EIF2AK2: variants seen among roughly 807,000 people sequenced by gnomAD.
The protein encoded by EIF2AK2 is interferon-induced, double-stranded RNA-activated protein kinase.
A neutral mutation model predicts 70.5 loss-of-function variants in EIF2AK2; 40 were observed. That is an observed-to-expected ratio of 0.57 (90% CI 0.44 to 0.74). The LOEUF (loss-of-function observed/expected upper bound fraction) is 0.74. Ranked by LOEUF, EIF2AK2 falls within the 30% of genes least tolerant of loss-of-function variation. EIF2AK2 has a pLI of 0.00. For missense variants in EIF2AK2, 555 were observed against 644.3 expected, an observed-to-expected ratio of 0.86 and a Z score of 1.50; for synonymous variants, 198 against 220.9, an observed-to-expected ratio of 0.90 and a Z score of 0.92.
intron 4 of EIF2AK2, among the ~76,000 whole-genome samples, chr2:37,143,588 TAAC>T (rs777256379): frequency 2.6e-5 from 4 of 152,128 alleles, no homozygotes; most frequent in Admixed American, 1.3e-4. Flanking sequence ...CAATACAGCA[TAAC>T]AACTACTTAT....
At chr2:37,122,475 A>T (rs759498039) in intron 12 of EIF2AK2, 31 bp downstream of exon 12, 1 of 1,608,278 alleles carries the variant, frequency 6.2e-7, no homozygotes, top group South Asian at 1.1e-5. Flanking sequence ...CTTCCATCCT[A>T]TTATGGCTAT....
In EIF2AK2 at chr2:37,099,466, C is replaced by T. The variant is rs1673771389; in HGVS notation, c.*7807G>A. 6.6e-6 allele frequency: 1 copy of T among 152,116 alleles called. No homozygotes were observed. Among genetic ancestry groups the T allele is most frequent in the Non-Finnish European group, 1.5e-5 (1 of 68,032 alleles). 9.4% of individuals were successfully genotyped at this position (152,116 alleles called of 1,614,324 possible). Reference sequence around the variant, plus strand: ...AAAGTGCTGTGTAGGAATGACTGAGCTCTAAGACAAACTGGTAAGAACAAT... The same window carrying T: ...AAAGTGCTGTGTAGGAATGACTGAGTTCTAAGACAAACTGGTAAGAACAAT... On this transcript the variant is annotated 3_prime_UTR_variant, in exon 17 of 17. Transcript: ENST00000233057.
chr2:37,103,920 C>T lies in EIF2AK2; in HGVS notation c.*3353G>A, dbSNP rs1252166635. 6.6e-6 allele frequency: 1 copy of T among 152,196 alleles called. No homozygotes were observed. The highest frequency in any genetic ancestry group is 2.4e-5 in the African/African-American group (1 of 41,448). 9.4% of individuals were successfully genotyped at this position (152,196 alleles called of 1,614,324 possible). ...TTGGGAGGCCAAGGCAAGTGAATCA[C>T]CTGAGGTCAGGAGTTCAAAACCAGC... On this transcript the variant is annotated 3_prime_UTR_variant, in exon 17 of 17. Coordinates refer to ENST00000233057, the MANE Select transcript of EIF2AK2 (RefSeq NM_001135651.3).
chr2:37,126,510 C>T, intron 10 of EIF2AK2, 99 bp from the exon 11 acceptor site: 1 of 1,481,682 alleles, frequency 6.7e-7, no homozygotes, highest in Admixed American at 2.4e-5. Context: ...GTGAAATGGA[C>T]AATAAAACAA....
chr2:37,111,175 T>G (rs1301771457), intron 14 of EIF2AK2, among the ~76,000 whole-genome samples: 1 of 151,984 alleles, frequency 6.6e-6, no homozygotes, highest in Admixed American at 6.6e-5. Context: ...CTTTAACGGG[T>G]GTAAAGTTTC....
chr2:37,121,734 C>T (rs1674562015), intron 12 of EIF2AK2, among the ~76,000 whole-genome samples: 1 of 150,894 alleles, frequency 6.6e-6, no homozygotes, highest in African/African-American at 2.4e-5. Context: ...AAGAGGTAGC[C>T]AAGAATTTGC....
intron 13 of EIF2AK2, among the ~76,000 whole-genome samples, chr2:37,116,192 C>T (rs1430132787): frequency 6.6e-6 from 1 of 152,110 alleles, no homozygotes; most frequent in Non-Finnish European, 1.5e-5. Context: ...AGCCACCACG[C>T]CCAGCCCATA....
At chr2:37,152,052 C>T (rs373442140) in intron 1 of EIF2AK2, among the ~76,000 whole-genome samples, 2 of 152,170 alleles carry the variant, frequency 1.3e-5, no homozygotes, top group African/African-American at 4.8e-5. Flanking sequence ...CGCGACAGAG[C>T]GAAGACTCCA....
chr2:37,122,761 T>C (rs1674600541), intron 11 of EIF2AK2, 97 bp from the exon 12 acceptor site: 1 of 1,460,612 alleles, frequency 6.8e-7, no homozygotes, highest in South Asian at 1.2e-5. Flanking sequence ...TACATTCCCT[T>C]ATTAAACCAT....
intron 10 of EIF2AK2, among the ~76,000 whole-genome samples, chr2:37,132,511 C>A (rs1375640548): frequency 6.6e-6 from 1 of 152,182 alleles, no homozygotes; most frequent in African/African-American, 2.4e-5. Flanking sequence ...ATCGCTTGAA[C>A]CCCAGAGGCA....
chr2:37,111,876 AAAAT>A (rs1376230515), intron 14 of EIF2AK2, among the ~76,000 whole-genome samples: 169 of 46,098 alleles, frequency 3.7e-3, no homozygotes, highest in African/African-American at 6.7e-3. Flanking sequence ...AAAAAAAAAA[AAAAT>A]ATATATATAT....
chr2:37,108,798 G>T (rs1164927121), intron 15 of EIF2AK2, among the ~76,000 whole-genome samples: 1 of 152,206 alleles, frequency 6.6e-6, no homozygotes, highest in Non-Finnish European at 1.5e-5. Flanking sequence ...TCGAACACCT[G>T]ACTTCAAGTG....
intron 10 of EIF2AK2, among the ~76,000 whole-genome samples, chr2:37,132,716 G>A (rs911925640): frequency 6.6e-6 from 1 of 152,156 alleles, no homozygotes; most frequent in African/African-American, 2.4e-5. Flanking sequence ...AGGAACAGTT[G>A]AAAGCCATTT....
chr2:37,135,637 T>G, intron 9 of EIF2AK2, 91 bp from the exon 10 acceptor site: 1 of 1,261,688 alleles, frequency 7.9e-7, no homozygotes, highest in Non-Finnish European at 1.1e-6. Context: ...TCTTTCTTTT[T>G]TTTTCTTCAG....
At chr2:37,133,222 C>T (rs1226381099) in intron 10 of EIF2AK2, among the ~76,000 whole-genome samples, 1 of 152,136 alleles carries the variant, frequency 6.6e-6, no homozygotes, top group Non-Finnish European at 1.5e-5. Flanking sequence ...AAAATTCGGG[C>T]ACTCTCACGT....
At position 37,102,660 on chromosome 2, in the gene EIF2AK2, G is replaced by T. The variant is rs1673854621; in HGVS notation, c.*4613C>A. ...ACACACAGGATGGCTTCATGGACATGCAACCTGTGCAGTTGCACAAGACTG... is the reference window on the plus strand; with the variant it reads ...ACACACAGGATGGCTTCATGGACATTCAACCTGTGCAGTTGCACAAGACTG... On this transcript the variant is annotated 3_prime_UTR_variant, in exon 17 of 17. Coordinates refer to ENST00000233057, the MANE Select transcript of EIF2AK2 (RefSeq NM_001135651.3). 6.6e-6 allele frequency: 1 copy of T among 152,108 alleles called. No homozygotes were observed. Among genetic ancestry groups the T allele is most frequent in the Non-Finnish European group, 1.5e-5 (1 of 68,030 alleles). The allele number at this position is 152,108 out of a possible 1,614,324, so 9.4% of individuals were successfully genotyped here.
rs777183035 is a variant in EIF2AK2 at position 37,138,379 on chromosome 2, G to A, written c.594-16C>T. ...TTCAGAAGCGCTAGAAGAAAAGGGT[G>A]TAACTATTAGTTTATTAATTCTGTT... is the stretch of plus-strand genomic sequence containing the variant. On this transcript the variant is annotated splice_polypyrimidine_tract_variant and intron_variant, in intron 7 of 16. Coordinates refer to ENST00000233057, the MANE Select transcript of EIF2AK2 (RefSeq NM_001135651.3). 2.5e-6 allele frequency: 4 copies of A among 1,607,344 alleles called. No homozygotes were observed. The highest frequency in any genetic ancestry group is 4.5e-5 in the East Asian group (2 of 44,796).
intron 10 of EIF2AK2, among the ~76,000 whole-genome samples, chr2:37,134,289 T>C (rs1675048411): frequency 6.6e-6 from 1 of 152,170 alleles, no homozygotes; most frequent in Admixed American, 6.5e-5. Context: ...GAAGGGCCCA[T>C]AATTAAACAC....
Position 37,107,152 on chromosome 2 carries a change from T to C in EIF2AK2, c.*121A>G. On this transcript the variant is annotated 3_prime_UTR_variant, in exon 17 of 17. Transcript: ENST00000233057. ...GTTTCTGCAGAAAGATTAGTAAAAA[T>C]AGTAAAAAATTAAAGGAAACATTAA... is the stretch of plus-strand genomic sequence containing the variant. The C allele has an allele frequency of 8.2e-7, 1 of 1,220,886 alleles. No individual in the cohort carries two copies. The highest frequency in any genetic ancestry group is 1.6e-5 in the African/African-American group (1 of 63,628). 75.6% of individuals were successfully genotyped at this position (1,220,886 alleles called of 1,614,324 possible).
Sources: allele counts gnomAD v4.1 joint callset (sites outside exome capture counted in the v4.1 genomes callset), GRCh38; gene constraint gnomAD v4.1.1; transcripts MANE v1.5; gene names NCBI Gene and HGNC (gene_info 2026-07-23, HGNC 2026-07-21).